Variants in RNLS observed in about 807,000 individuals in gnomAD.
RNLS encodes the protein renalase, FAD dependent amine oxidase.
RNLS carries 39 observed loss-of-function variants against 39.8 expected under a neutral mutation model. The observed-to-expected ratio is 0.98, with a 90% confidence interval of 0.76 to 1.28. The LOEUF (loss-of-function observed/expected upper bound fraction) is 1.28, where lower values mean the gene tolerates loss of function less well. Among genes scored for constraint, RNLS ranks in the 50% most tolerant of loss-of-function variants. RNLS has a pLI of 0.00. For missense variants in RNLS, 410 were observed against 413.3 expected (o/e 0.99, Z 0.07); for synonymous variants, 147 against 150.7 (o/e 0.98, Z 0.18).
rs557653887 is a variant in RNLS, at chr10:88,503,562, A to C, written c.526+69341T>G. 1.1e-4 allele frequency among the ~76,000 whole-genome samples: 16 copies of C among 152,294 alleles called. No homozygotes were observed. The South Asian group carries it at 2.9e-3, about 28-fold the overall frequency. On this transcript the variant is annotated intron_variant, in intron 4 of 6. Coordinates refer to ENST00000331772, the MANE Select transcript of RNLS (RefSeq NM_001031709.3). ...CATTAGAACTACAAAGTTGCAATTC[A>C]ATGGATGTGTAGTTATACTCTAGAG...
chr10:88,357,513 T>C (rs1186554934), intron 5 of RNLS, among the ~76,000 whole-genome samples: 1 of 152,240 alleles, frequency 6.6e-6, no homozygotes, highest in Non-Finnish European at 1.5e-5. Context: ...CAACTACTTA[T>C]TGAATGATTC....
chr10:88,541,204 TAA>T (rs1848021326), intron 4 of RNLS, among the ~76,000 whole-genome samples: 1 of 152,216 alleles, frequency 6.6e-6, no homozygotes, highest in Admixed American at 6.5e-5. Context: ...CTGAATTCTT[TAA>T]AAGTTTTCTA....
chr10:88,369,594 G>A (rs954132778), intron 4 of RNLS, among the ~76,000 whole-genome samples: 3 of 152,078 alleles, frequency 2.0e-5, no homozygotes, highest in African/African-American at 4.8e-5. Flanking sequence ...GAGTAGTAAC[G>A]GCTTCCTGCT....
the RNLS span, among the ~76,000 whole-genome samples, chr10:88,213,028 C>A: frequency 6.6e-6 from 1 of 152,172 alleles, no homozygotes. Flanking sequence ...TTGCCACTGT[C>A]ATTTCACAGC....
intron 4 of RNLS, among the ~76,000 whole-genome samples, chr10:88,449,252 C>T (rs944710548): frequency 6.6e-6 from 1 of 152,304 alleles, no homozygotes; most frequent in African/African-American, 2.4e-5. Context: ...CTCATCTCTC[C>T]ACTGCCTTCC....
intron 4 of RNLS, among the ~76,000 whole-genome samples, chr10:88,537,338 TCTC>T (rs1266549816): frequency 6.6e-6 from 1 of 152,146 alleles, no homozygotes; most frequent in African/African-American, 2.4e-5. Context: ...ATATGTATAA[TCTC>T]CTACAGCCAA....
At chr10:88,262,066 G>A in the RNLS span, among the ~76,000 whole-genome samples, 1 of 152,232 alleles carries the variant, frequency 6.6e-6, no homozygotes, top group African/African-American at 2.4e-5. Flanking sequence ...GGAGGCAGGA[G>A]AGGGTATAGT....
intron 4 of RNLS, among the ~76,000 whole-genome samples, chr10:88,400,979 T>G (rs531170249): frequency 4.3e-4 from 65 of 151,788 alleles, no homozygotes; most frequent in Non-Finnish European, 7.2e-4. Flanking sequence ...TAAATAATAT[T>G]CAGTTCTTCT....
chr10:88,462,314 T>C (rs372490927), intron 4 of RNLS, among the ~76,000 whole-genome samples: 2 of 152,044 alleles, frequency 1.3e-5, no homozygotes, highest in African/African-American at 4.8e-5. Flanking sequence ...TCAGGGTAAA[T>C]AGGGTATCCA....
chr10:88,232,599 G>T, the RNLS span, among the ~76,000 whole-genome samples: 1 of 152,136 alleles, frequency 6.6e-6, no homozygotes, highest in Admixed American at 6.5e-5. Context: ...ACTTCTTAAA[G>T]TAGACTTCTG....
chr10:88,504,980 A>G (rs1240673508), intron 4 of RNLS, among the ~76,000 whole-genome samples: 1 of 151,872 alleles, frequency 6.6e-6, no homozygotes, highest in African/African-American at 2.4e-5. Context: ...GTGGTGCTGC[A>G]TTTGAACTGG....
intron 3 of RNLS, 39 bp downstream of exon 3, chr10:88,581,528 C>T: frequency 4.5e-6 from 7 of 1,546,082 alleles, no homozygotes; most frequent in African/African-American, 1.4e-5. Flanking sequence ...TTTTTAAATG[C>T]TAATTTTAAA....
rs113368365 is a variant in RNLS at position 88,320,685 on chromosome 10, T to TA, written c.701-6045dup. Among the ~76,000 whole-genome samples, 413 of 138,142 alleles carry TA rather than the reference T, an allele frequency of 3.0e-3. 6 individuals are homozygous for TA. The highest frequency in any genetic ancestry group is 8.9e-3 in the African/African-American group (333 of 37,416). The allele number at this position is 138,142 out of a possible 152,430, so 90.6% of individuals were successfully genotyped here. A position where few individuals can be genotyped will look rare whatever the true frequency, so the allele number is the denominator to read the frequency against. ...AGAAGAGACTTTAAAACAAACACAT[T>TA]AAAAAAAAAAGACAAAGAAGGGTAT... is the stretch of plus-strand genomic sequence containing the variant. On this transcript the variant is annotated intron_variant, in intron 5 of 6. Coordinates refer to ENST00000331772, the MANE Select transcript of RNLS (RefSeq NM_001031709.3).
chr10:88,460,955 A>T (rs768751869), intron 4 of RNLS, among the ~76,000 whole-genome samples: 1 of 152,102 alleles, frequency 6.6e-6, no homozygotes, highest in Non-Finnish European at 1.5e-5. Flanking sequence ...GCCTGAGTAC[A>T]GGACATGTAA....
rs555237818 is a variant in RNLS at position 88,300,961 on chromosome 10, C to T, written c.876+13505G>A. 4.6e-5 allele frequency among the ~76,000 whole-genome samples: 7 copies of T among 152,254 alleles called. No individual in the cohort carries two copies. The South Asian group carries it at 1.5e-3, about 32-fold the overall frequency. On this transcript the variant is annotated intron_variant, in intron 6 of 6. Transcript: ENST00000331772. ...ATCTATGCCTATGTAATAACATCCA[C>T]CGTCCAATTTTAAGTATTAATGCTG...
intron 5 of RNLS, among the ~76,000 whole-genome samples, chr10:88,323,780 G>A (rs529252848): frequency 6.6e-6 from 1 of 152,024 alleles, no homozygotes; most frequent in African/African-American, 2.4e-5. Context: ...AATTAACAGA[G>A]TAAATAGACA....
At chr10:88,286,236 T>TG (rs1484140529) in intron 6 of RNLS, among the ~76,000 whole-genome samples, 2 of 152,140 alleles carry the variant, frequency 1.3e-5, no homozygotes, top group Admixed American at 1.3e-4. Flanking sequence ...GGCTCCATGC[T>TG]GAACATTGGA....
intron 4 of RNLS, among the ~76,000 whole-genome samples, chr10:88,411,135 C>A (rs1853630670): frequency 6.6e-6 from 1 of 152,130 alleles, no homozygotes; most frequent in Non-Finnish European, 1.5e-5. Context: ...TTGGTCACTG[C>A]ACAGTCAATT....
rs1162592548 is a variant in RNLS at position 88,314,479 on chromosome 10, C to A, written c.863G>T (p.Trp288Leu). The part of the protein sequence containing the change: ...PQPIATKCQK[W>L]RHSQVTNAAA... ...TTCTTTGATTACCTGTGAATGTCTC[C>A]ATTTTTGGCATTTGGTAGCAATTGG... Residue 288 changes from tryptophan to leucine, a missense_variant, in exon 6 of 7, where the codon TGG becomes TTG. Coordinates refer to ENST00000331772, the MANE Select transcript of RNLS (RefSeq NM_001031709.3). 1 of 1,613,686 alleles carries A rather than the reference C, an allele frequency of 6.2e-7. No homozygotes were observed. Among genetic ancestry groups the A allele is most frequent in the Non-Finnish European group, 8.5e-7 (1 of 1,179,794 alleles).
Sources: gnomAD v4.1 joint callset for allele counts (sites outside exome capture counted in the v4.1 genomes callset) on GRCh38, gnomAD v4.1.1 for gene constraint, MANE v1.5 for transcripts, NCBI Gene and HGNC (gene_info 2026-07-23, HGNC 2026-07-21) for gene names.